RILPL2: variants seen among roughly 807,000 people sequenced by gnomAD.
The protein encoded by RILPL2 is RILP-like protein 2.
A neutral mutation model predicts 22.2 loss-of-function variants in RILPL2; 19 were observed. That is an observed-to-expected ratio of 0.86 (90% CI 0.60 to 1.25). The LOEUF (loss-of-function observed/expected upper bound fraction) is 1.25, where lower values mean the gene tolerates loss of function less well. Ranked by LOEUF, RILPL2 falls within the 50% of genes most tolerant of loss-of-function variation. The pLI is 0.00. For synonymous variants in RILPL2, 123 were observed against 111.6 expected (o/e 1.10, Z -0.64); for missense variants, 243 against 263.6 (o/e 0.92, Z 0.54).
At chr12:123,422,063 CGTGATAATA>C (rs1322056185) in intron 3 of RILPL2, among the ~76,000 whole-genome samples, 3 of 144,964 alleles carry the variant, frequency 2.1e-5, no homozygotes, top group Admixed American at 7.2e-5. Flanking sequence ...AGTGCAGTAG[CGTGATAATA>C]GTGATAATAG....
chr12:123,420,024 T>TTC (rs1364354558), intron 3 of RILPL2, among the ~76,000 whole-genome samples: 5 of 130,708 alleles, frequency 3.8e-5, no homozygotes, highest in Non-Finnish European at 8.3e-5. Flanking sequence ...CGGGGTTTCT[T>TTC]TTTTTTTTTT....
intron 3 of RILPL2, among the ~76,000 whole-genome samples, chr12:123,422,430 T>C (rs980939991): frequency 2.6e-5 from 4 of 152,150 alleles, no homozygotes; most frequent in Admixed American, 1.3e-4. Flanking sequence ...GCAGGAGAAC[T>C]GCTTGAACCT....
rs890711535 is a variant in RILPL2, at chr12:123,436,023, A to G, written c.339+59T>C. 4.6e-6 allele frequency: 7 copies of G among 1,515,502 alleles called. No homozygotes were observed. Among genetic ancestry groups the G allele is most frequent in the Non-Finnish European group, 6.2e-6 (7 of 1,130,888 alleles). 93.9% of individuals were successfully genotyped at this position (1,515,502 alleles called of 1,614,324 possible). On this transcript the variant is annotated intron_variant, in intron 1 of 3. Transcript: ENST00000280571. The surrounding 1 kb of genome is among the most constrained non-coding windows in gnomAD (Gnocchi z 6.7). Reference sequence around the variant, plus strand: ...AAAAGGAAGGCGTCTCCCTGCCAGTAGGTGCCCTCCTACGCCCCGCAGGCG... The same window carrying G: ...AAAAGGAAGGCGTCTCCCTGCCAGTGGGTGCCCTCCTACGCCCCGCAGGCG...
intron 2 of RILPL2, among the ~76,000 whole-genome samples, chr12:123,428,764 C>A (rs903125503): frequency 6.6e-6 from 1 of 152,218 alleles, no homozygotes; most frequent in Non-Finnish European, 1.5e-5. Context: ...CTCAGCTCAG[C>A]ATAGTGATAA....
At chr12:123,432,820 C>T (rs1292290700) in intron 1 of RILPL2, among the ~76,000 whole-genome samples, 1 of 152,190 alleles carries the variant, frequency 6.6e-6, no homozygotes, top group Admixed American at 6.5e-5. Flanking sequence ...GTTAACTTTC[C>T]TTGACTCTCA....
At chr12:123,423,414 T>C (rs555673333) in intron 2 of RILPL2, among the ~76,000 whole-genome samples, 67 of 152,074 alleles carry the variant, frequency 4.4e-4, no homozygotes, top group South Asian at 2.3e-3. Flanking sequence ...TTGCCCAGGC[T>C]GGTCTCAAAC....
intron 1 of RILPL2, among the ~76,000 whole-genome samples, chr12:123,432,039 C>CAT (rs1566093574): frequency 6.6e-6 from 1 of 151,686 alleles, no homozygotes; most frequent in African/African-American, 2.4e-5. Flanking sequence ...GGATTACAGG[C>CAT]GCCTGCCACC....
chr12:123,411,194 C>T (rs1878965245), downstream of RILPL2: 1 of 152,118 alleles, frequency 6.6e-6, no homozygotes, highest in African/African-American at 2.4e-5. Context: ...AGGCGTGCAT[C>T]ACCACACCCA....
downstream of RILPL2, among the ~76,000 whole-genome samples, chr12:123,410,136 C>T (rs1211165496): frequency 6.6e-6 from 1 of 152,222 alleles, no homozygotes; most frequent in Non-Finnish European, 1.5e-5. Flanking sequence ...CATGAGCCAC[C>T]ACGCCCAGCT....
chr12:123,420,540 G>A (rs939930875), intron 3 of RILPL2, among the ~76,000 whole-genome samples: 3 of 150,572 alleles, frequency 2.0e-5, no homozygotes, highest in Admixed American at 1.3e-4. Context: ...GGGCTCAGGC[G>A]ATTCTCCTGC....
chr12:123,428,830 A>C (rs1186815676), intron 2 of RILPL2, among the ~76,000 whole-genome samples: 1 of 152,178 alleles, frequency 6.6e-6, no homozygotes, highest in Non-Finnish European at 1.5e-5. Flanking sequence ...TGCTTGGGAT[A>C]CATTTAGCAG....
Position 123,430,651 on chromosome 12 carries a change from C to G in RILPL2, c.348G>C (p.Leu116=). 6.3e-7 allele frequency: 1 copy of G among 1,587,486 alleles called. No individual in the cohort carries two copies. The highest frequency in any genetic ancestry group is 8.6e-7 in the Non-Finnish European group (1 of 1,164,306). The part of the protein sequence containing the change: ...QSPPASGEVN[L]GPNKMVVDLT... Reference sequence around the variant, plus strand: ...GGTCAACCACCATTTTGTTTGGGCCCAGGTTCACCTGGAAGAAAAGACGCA... The same window carrying G: ...GGTCAACCACCATTTTGTTTGGGCCGAGGTTCACCTGGAAGAAAAGACGCA... Residue 116 remains leucine, a synonymous_variant, in exon 2 of 4, where the codon CTG becomes CTC. Coordinates refer to ENST00000280571, the MANE Select transcript of RILPL2 (RefSeq NM_145058.3).
At chr12:123,416,153 C>G (rs1396533460) in intron 3 of RILPL2, among the ~76,000 whole-genome samples, 1 of 139,420 alleles carries the variant, frequency 7.2e-6, no homozygotes, top group African/African-American at 2.6e-5. Context: ...AGTGAGACCC[C>G]ATCTCTAAAA....
chr12:123,418,710 A>T (rs1028711335), intron 3 of RILPL2, among the ~76,000 whole-genome samples: 1 of 150,100 alleles, frequency 6.7e-6, no homozygotes, highest in Non-Finnish European at 1.5e-5. Context: ...CAGATTTCTG[A>T]GCTTCATCCA....
chr12:123,433,066 G>C (rs1048387089), intron 1 of RILPL2, among the ~76,000 whole-genome samples: 4 of 149,846 alleles, frequency 2.7e-5, no homozygotes, highest in Non-Finnish European at 4.4e-5. Flanking sequence ...CAGTGACTCT[G>C]TTCCTGTTCT....
rs1439705384 is a variant in RILPL2, at chr12:123,436,094, C to T, written c.327G>A (p.Pro109=). 3.8e-6 allele frequency: 6 copies of T among 1,575,816 alleles called. No individual in the cohort carries two copies. Among genetic ancestry groups the T allele is most frequent in the Admixed American group, 1.8e-5 (1 of 54,424 alleles). The change falls in exon 1 of 4, where the codon CCG becomes CCA. Residue 109 remains proline, a synonymous_variant. Coordinates refer to ENST00000280571, the MANE Select transcript of RILPL2 (RefSeq NM_145058.3). The surrounding 1 kb of genome is among the most constrained non-coding windows in gnomAD (Gnocchi z 6.7). The part of the protein sequence containing the change: ...EVEGLRRQSP[P]ASGEVNLGPN... ...CTCCCACACTCACCTCCCCGCTGGC[C>T]GGAGGGCTCTGTCTCCGCAGCCCCT...
At chr12:123,420,329 C>T (rs1481345488) in intron 3 of RILPL2, among the ~76,000 whole-genome samples, 1 of 151,652 alleles carries the variant, frequency 6.6e-6, no homozygotes, top group Non-Finnish European at 1.5e-5. Context: ...CTGGCAGAGA[C>T]GGGGTTTCAC....
At chr12:123,414,576 G>A (rs1192545734), downstream of RILPL2, 1 of 152,756 alleles carries the variant, frequency 6.5e-6, no homozygotes, top group African/African-American at 2.4e-5. Flanking sequence ...TGCAGCGGTG[G>A]GCTGAAGGGC....
chr12:123,419,540 C>T (rs1879215729), intron 3 of RILPL2, among the ~76,000 whole-genome samples: 1 of 151,912 alleles, frequency 6.6e-6, no homozygotes, highest in South Asian at 2.1e-4. Context: ...TTCCCACAGC[C>T]AGGCTGAAAC....
Sources: allele counts gnomAD v4.1 joint callset (sites outside exome capture counted in the v4.1 genomes callset), GRCh38; gene constraint gnomAD v4.1.1; non-coding constraint Gnocchi (gnomAD v3.1); transcripts MANE v1.5; gene names NCBI Gene and HGNC (gene_info 2026-07-23, HGNC 2026-07-21).